Variants in SLCO1B1 observed in about 807,000 individuals in gnomAD.
The protein encoded by SLCO1B1 is solute carrier organic anion transporter family member 1B1, also known as OATP-2.
SLCO1B1 carries 81 observed loss-of-function variants against 70.1 expected under a neutral mutation model. The ratio of observed to expected loss-of-function variants is 1.16; its 90% confidence interval spans 0.97 to 1.39. The LOEUF (loss-of-function observed/expected upper bound fraction) is 1.39, where lower values mean the gene tolerates loss of function less well. SLCO1B1 is among the 40% of genes most tolerant of loss of function. SLCO1B1 has a pLI of 0.00. For missense variants in SLCO1B1, 895 were observed against 799.6 expected (o/e 1.12, Z -1.44); for synonymous variants, 283 against 271.5 (o/e 1.04, Z -0.42).
At chr12:21,236,834 C>T (rs1297857367) in intron 14 of SLCO1B1, among the ~76,000 whole-genome samples, 4 of 152,158 alleles carry the variant, frequency 2.6e-5, no homozygotes, top group African/African-American at 9.7e-5. Context: ...CCCTGGTCAG[C>T]CATCTTGAAA....
At chr12:21,171,421 T>C (rs927390740) in intron 2 of SLCO1B1, among the ~76,000 whole-genome samples, 2 of 152,158 alleles carry the variant, frequency 1.3e-5, no homozygotes, top group African/African-American at 2.4e-5. Context: ...GTTTATGGTC[T>C]CATAGGTTAT....
chr12:21,208,854 T>A (rs1230547444), intron 11 of SLCO1B1, among the ~76,000 whole-genome samples: 1 of 152,056 alleles, frequency 6.6e-6, no homozygotes, highest in Non-Finnish European at 1.5e-5. Context: ...TTGGTTTAAA[T>A]GTATTCCTAG....
chr12:21,217,573 A>G (rs941739256), intron 12 of SLCO1B1, among the ~76,000 whole-genome samples: 4 of 152,180 alleles, frequency 2.6e-5, no homozygotes, highest in Non-Finnish European at 5.9e-5. Context: ...TCTCAGTTGT[A>G]AAAGAATCGC....
intron 2 of SLCO1B1, among the ~76,000 whole-genome samples, chr12:21,160,311 G>T (rs2121076393): frequency 6.6e-6 from 1 of 151,890 alleles, no homozygotes; most frequent in Admixed American, 6.6e-5. Flanking sequence ...AGAGAGCCCA[G>T]AAATTAGGCC....
chr12:21,209,830 T>G (rs974646637), intron 11 of SLCO1B1, among the ~76,000 whole-genome samples: 1 of 152,092 alleles, frequency 6.6e-6, no homozygotes, highest in Admixed American at 6.5e-5. Flanking sequence ...CATTTTTTCA[T>G]GTGTTTTTTG....
At chr12:21,148,695 C>CTTT (rs71043249) in intron 2 of SLCO1B1, among the ~76,000 whole-genome samples, 4 of 100,180 alleles carry the variant, frequency 4.0e-5, no homozygotes, top group African/African-American at 1.5e-4. Context: ...GCTATATGGG[C>CTTT]TTTTTTTTTT....
At chr12:21,149,035 G>T (rs987855398) in intron 2 of SLCO1B1, among the ~76,000 whole-genome samples, 1 of 151,916 alleles carries the variant, frequency 6.6e-6, no homozygotes, top group African/African-American at 2.4e-5. Context: ...GTCTATTATT[G>T]GTGTATAGGA....
At chr12:21,182,666 A>T (rs905780839) in intron 7 of SLCO1B1, among the ~76,000 whole-genome samples, 1 of 152,104 alleles carries the variant, frequency 6.6e-6, no homozygotes. Flanking sequence ...TCCTTGGAGC[A>T]CTTCAGATCC....
chr12:21,141,127 C>T (rs966136772), intron 1 of SLCO1B1, among the ~76,000 whole-genome samples: 1 of 151,754 alleles, frequency 6.6e-6, no homozygotes, highest in Non-Finnish European at 1.5e-5. Flanking sequence ...GGCTAATAGG[C>T]ACATTTTAAA....
intron 14 of SLCO1B1, among the ~76,000 whole-genome samples, chr12:21,233,376 G>C (rs1591752405): frequency 6.6e-6 from 1 of 152,128 alleles, no homozygotes; most frequent in South Asian, 2.1e-4. Flanking sequence ...CAGACAGAAG[G>C]CCTTCCAAAC....
chr12:21,225,450 A>T (rs987557007), intron 14 of SLCO1B1, among the ~76,000 whole-genome samples: 1 of 152,234 alleles, frequency 6.6e-6, no homozygotes, highest in Non-Finnish European at 1.5e-5. Context: ...TTTCAAATTC[A>T]TATATTGACA....
chr12:21,138,100 G>A (rs1315823340), intron 1 of SLCO1B1, among the ~76,000 whole-genome samples: 1 of 152,258 alleles, frequency 6.6e-6, no homozygotes, highest in Middle Eastern at 3.2e-3. Flanking sequence ...GTGAGGTGGA[G>A]ATGGGGGATT....
At chr12:21,148,695 C>CTTTTTTTTTTTTTTTTTTTTTTTG (rs71043249) in intron 2 of SLCO1B1, among the ~76,000 whole-genome samples, 1 of 100,224 alleles carries the variant, frequency 1.0e-5, no homozygotes. Context: ...GCTATATGGG[C>CTTTTTTTTTTTTTTTTTTTTTTTG]TTTTTTTTTT....
At chr12:21,194,294 G>A (rs1489836726) in intron 7 of SLCO1B1, among the ~76,000 whole-genome samples, 1 of 152,202 alleles carries the variant, frequency 6.6e-6, no homozygotes, top group Non-Finnish European at 1.5e-5. Context: ...TGGGATGACA[G>A]GCGTGAGCCA....
chr12:21,190,209 A>G (rs1267563702), intron 7 of SLCO1B1, among the ~76,000 whole-genome samples: 1 of 152,192 alleles, frequency 6.6e-6, no homozygotes, highest in Non-Finnish European at 1.5e-5. Context: ...TTGTCCAGAA[A>G]CTGACCTTTG....
intron 7 of SLCO1B1, among the ~76,000 whole-genome samples, chr12:21,187,432 C>T (rs963939972): frequency 1.3e-5 from 2 of 152,094 alleles, no homozygotes; most frequent in Admixed American, 6.6e-5. Context: ...AGTCGATGCC[C>T]CTGGTCACCT....
At chr12:21,232,069 C>T (rs1438399345) in intron 14 of SLCO1B1, among the ~76,000 whole-genome samples, 3 of 151,914 alleles carry the variant, frequency 2.0e-5, no homozygotes, top group Admixed American at 6.6e-5. Context: ...CTCACAGAAA[C>T]GAAAATTCAA....
chr12:21,132,304 A>G (rs1940148980), intron 1 of SLCO1B1, among the ~76,000 whole-genome samples: 1 of 152,182 alleles, frequency 6.6e-6, no homozygotes, highest in Non-Finnish European at 1.5e-5. Flanking sequence ...ATACGTGTGC[A>G]TGTGTCTTTA....
intron 14 of SLCO1B1, among the ~76,000 whole-genome samples, chr12:21,227,181 G>A (rs577984406): frequency 6.6e-6 from 1 of 151,920 alleles, no homozygotes; most frequent in African/African-American, 2.4e-5. Flanking sequence ...GCAAAATATT[G>A]GAAGCAACTT....
Sources: allele counts gnomAD v4.1 joint callset (sites outside exome capture counted in the v4.1 genomes callset), GRCh38; gene constraint gnomAD v4.1.1; transcripts MANE v1.5; gene names NCBI Gene and HGNC (gene_info 2026-07-23, HGNC 2026-07-21).